TSGA10: variants seen among roughly 807,000 people sequenced by gnomAD.
TSGA10 encodes the protein testis specific 10, also known as testis-specific gene 10 protein.
TSGA10 carries 43 observed loss-of-function variants against 96.6 expected under a neutral mutation model. That is an observed-to-expected ratio of 0.44 (90% CI 0.35 to 0.57). The LOEUF (loss-of-function observed/expected upper bound fraction) is 0.57, where lower values mean the gene tolerates loss of function less well. Ranked by LOEUF, TSGA10 falls within the 20% of genes least tolerant of loss-of-function variation. The pLI is 0.01. For missense variants in TSGA10, 703 were observed against 834.4 expected, an observed-to-expected ratio of 0.84 and a Z score of 1.94; for synonymous variants, 229 against 269.9, an observed-to-expected ratio of 0.85 and a Z score of 1.48.
intron 1 of TSGA10, among the ~76,000 whole-genome samples, chr2:99,142,936 A>T (rs2105118228): frequency 6.6e-6 from 1 of 152,256 alleles, no homozygotes; most frequent in East Asian, 1.9e-4. Flanking sequence ...TATGTATGCC[A>T]CCTAGACGGT....
intron 2 of TSGA10, among the ~76,000 whole-genome samples, chr2:99,120,657 G>A (rs36071868): frequency 0.58 from 88,262 of 151,892 alleles, 26,502 homozygotes; most frequent in East Asian, 0.88. Flanking sequence ...AGTCTCATAC[G>A]CCCTTTACTC....
chr2:99,027,438 G>A (rs576665231), intron 17 of TSGA10, among the ~76,000 whole-genome samples: 33 of 152,288 alleles, frequency 2.2e-4, no homozygotes, highest in Admixed American at 1.8e-3. Context: ...GTTTTAGTTA[G>A]ACTGGAGAAA....
At chr2:99,114,776 C>G (rs2092111094) in intron 4 of TSGA10, among the ~76,000 whole-genome samples, 1 of 152,018 alleles carries the variant, frequency 6.6e-6, no homozygotes, top group African/African-American at 2.4e-5. Context: ...GAACATAAAC[C>G]CTAACAACCC....
intron 10 of TSGA10, among the ~76,000 whole-genome samples, chr2:99,095,984 T>C (rs1478357248): frequency 2.0e-5 from 3 of 152,186 alleles, no homozygotes; most frequent in Non-Finnish European, 2.9e-5. Flanking sequence ...AGCCCCAACT[T>C]TGACAGCCAT....
At chr2:99,064,889 C>A (rs765422249) in intron 16 of TSGA10, 50 bp downstream of exon 16, 1 of 1,462,680 alleles carries the variant, frequency 6.8e-7, no homozygotes. Context: ...AAACAAAACT[C>A]TTTTAAATAT....
chr2:99,142,851 G>A (rs2093585213), intron 1 of TSGA10, among the ~76,000 whole-genome samples: 1 of 152,050 alleles, frequency 6.6e-6, no homozygotes, highest in Non-Finnish European at 1.5e-5. Flanking sequence ...GAAGACTTCG[G>A]GGGTGGGGAG....
At position 99,067,350 on chromosome 2, in the gene TSGA10, T is replaced by G. The variant is rs958371657; in HGVS notation, c.1218+1538A>C. Among the ~76,000 whole-genome samples, 32 of 152,334 alleles carry G rather than the reference T, an allele frequency of 2.1e-4. 1 individual carries two copies. The highest frequency in any genetic ancestry group is 7.7e-4 in the African/African-American group (32 of 41,576). On this transcript the variant is annotated intron_variant, in intron 15 of 20. Coordinates refer to ENST00000393483, the MANE Select transcript of TSGA10 (RefSeq NM_025244.4). ...AGTGTTATGCAATCTCATAAACAAA[T>G]TCATACTAGGATGCTAAAATCCCCA...
chr2:99,130,225 G>T (rs1002023797), intron 1 of TSGA10, among the ~76,000 whole-genome samples: 1 of 152,076 alleles, frequency 6.6e-6, no homozygotes, highest in African/African-American at 2.4e-5. Flanking sequence ...CCACAAATTA[G>T]TTGAATTTAC....
At chr2:99,043,034 T>C (rs2082355157) in intron 16 of TSGA10, among the ~76,000 whole-genome samples, 1 of 152,036 alleles carries the variant, frequency 6.6e-6, no homozygotes. Context: ...GGAGAACACA[T>C]TTTCAAGCAA....
chr2:99,116,770 G>A (rs1020538090), intron 4 of TSGA10, among the ~76,000 whole-genome samples: 1 of 152,014 alleles, frequency 6.6e-6, no homozygotes, highest in African/African-American at 2.4e-5. Flanking sequence ...ACATAATAAT[G>A]GTACATGTTT....
intron 1 of TSGA10, among the ~76,000 whole-genome samples, chr2:99,137,793 C>T (rs183424901): frequency 3.3e-4 from 49 of 148,624 alleles, no homozygotes; most frequent in African/African-American, 1.2e-3. Flanking sequence ...TTTGAACCAA[C>T]AACATTTGCT....
intron 20 of TSGA10, among the ~76,000 whole-genome samples, chr2:99,013,015 C>T (rs1468469783): frequency 6.6e-6 from 1 of 152,074 alleles, no homozygotes; most frequent in East Asian, 1.9e-4. Flanking sequence ...TTTTTTGTCT[C>T]ATTTTCATTG....
At chr2:99,100,598 A>G (rs1321266246) in intron 10 of TSGA10, among the ~76,000 whole-genome samples, 1 of 152,142 alleles carries the variant, frequency 6.6e-6, no homozygotes, top group Admixed American at 6.5e-5. Flanking sequence ...AGGCGGGCAG[A>G]TCACGAGGTC....
chr2:99,073,873 T>C (rs187047445), intron 12 of TSGA10, among the ~76,000 whole-genome samples: 28 of 152,208 alleles, frequency 1.8e-4, no homozygotes, highest in Admixed American at 1.7e-3. Flanking sequence ...AGTAAGAAAG[T>C]TATTTCACTA....
At chr2:99,133,052 G>C (rs1430293829) in intron 1 of TSGA10, among the ~76,000 whole-genome samples, 1 of 152,180 alleles carries the variant, frequency 6.6e-6, no homozygotes, top group Non-Finnish European at 1.5e-5. Context: ...TTGCTGAGAA[G>C]AATGTATATT....
At chr2:99,133,578 C>A (rs923043610) in intron 1 of TSGA10, among the ~76,000 whole-genome samples, 11 of 152,154 alleles carry the variant, frequency 7.2e-5, no homozygotes, top group Non-Finnish European at 1.5e-4. Flanking sequence ...GCATTTAGCC[C>A]ATTTACATTT....
At chr2:99,064,646 T>C (rs1290041048) in intron 16 of TSGA10, among the ~76,000 whole-genome samples, 2 of 152,218 alleles carry the variant, frequency 1.3e-5, no homozygotes, top group Admixed American at 1.3e-4. Context: ...AAAATGTTAG[T>C]ATCCTTACAT....
chr2:99,051,002 C>G (rs779039373), intron 16 of TSGA10, among the ~76,000 whole-genome samples: 15 of 152,086 alleles, frequency 9.9e-5, no homozygotes, highest in Non-Finnish European at 1.8e-4. Flanking sequence ...ATAGCCTAGG[C>G]ACAACAGGCT....
intron 12 of TSGA10, 64 bp downstream of exon 12, chr2:99,078,595 C>T (rs1397415526): frequency 1.4e-6 from 2 of 1,461,470 alleles, no homozygotes; most frequent in Non-Finnish European, 1.9e-6. Flanking sequence ...TTCTTTTAAA[C>T]CATAGTTTAA....
Sources: gnomAD v4.1 joint callset for allele counts (sites outside exome capture counted in the v4.1 genomes callset) on GRCh38, gnomAD v4.1.1 for gene constraint, MANE v1.5 for transcripts, NCBI Gene and HGNC (gene_info 2026-07-23, HGNC 2026-07-21) for gene names.